SAMD8: variants seen among roughly 807,000 people sequenced by gnomAD.
The protein encoded by SAMD8 is sphingomyelin synthase-related protein 1.
SAMD8 carries 20 observed loss-of-function variants against 42.0 expected under a neutral mutation model. The observed-to-expected ratio is 0.48, with a 90% CI of 0.34 to 0.69. SAMD8 has a LOEUF of 0.69. Among genes scored for constraint, SAMD8 ranks in the 30% least tolerant of loss-of-function variants. SAMD8 has a pLI of 0.01. For missense variants in SAMD8, 328 were observed against 511.6 expected (o/e 0.64, Z 3.46); for synonymous variants, 162 against 173.0 (o/e 0.94, Z 0.50).
rs1245576636 is a variant in SAMD8, at chr10:75,179,670, C to T, written c.*2978C>T. 2.0e-5 allele frequency: 3 copies of T among 152,172 alleles called. No homozygotes were observed. The highest frequency in any genetic ancestry group is 4.4e-5 in the Non-Finnish European group (3 of 68,024). The allele number at this position is 152,172 out of a possible 1,614,324, so 9.4% of individuals were successfully genotyped here. On this transcript the variant is annotated 3_prime_UTR_variant, in exon 6 of 6. Transcript: ENST00000542569. ...AAATTTATTTTCAGTTTTACTTAAA[C>T]ATGAAACCTGTATTTTAGTTGCTTT...
At chr10:75,103,817 T>TC in intron 1 of SAMD8, 1 of 1,149,328 alleles carries the variant, frequency 8.7e-7, no homozygotes, top group Non-Finnish European at 1.1e-6. Context: ...TCTCCTCCCC[T>TC]CCCCACTTTC....
At chr10:75,169,995 CAAAA>C (rs1840810553) in intron 4 of SAMD8, among the ~76,000 whole-genome samples, 1 of 152,162 alleles carries the variant, frequency 6.6e-6, no homozygotes, top group South Asian at 2.1e-4. Context: ...CTGAGATAAA[CAAAA>C]TAATGGCTGA....
chr10:75,109,003 A>G, upstream of SAMD8: 1 of 1,595,466 alleles, frequency 6.3e-7, no homozygotes, highest in Non-Finnish European at 8.6e-7. Context: ...GCCAGCTACC[A>G]CTCACGCATC....
rs916195447 is a variant in SAMD8, at chr10:75,176,195, C to T, written c.922C>T (p.Leu308=). Residue 308 remains leucine, a synonymous_variant, in exon 5 of 6, where the codon CTG becomes TTG. Transcript: ENST00000542569. The surrounding 1 kb of genome is among the most constrained non-coding windows in gnomAD (Gnocchi z 4.3). ...TGGCCACACAGTCGTCCTAACTATG[C>T]TGAATTTCTTTGTCACCGAATGTAA... ...FSGHTVVLTM[L]NFFVTEYTPR... is the part of the protein sequence containing the mutation. 1.9e-6 allele frequency: 3 copies of T among 1,614,186 alleles called. No homozygotes were observed. The highest frequency in any genetic ancestry group is 1.1e-5 in the South Asian group (1 of 91,090).
At chr10:75,107,064 G>A (rs1483358731), upstream of SAMD8, among the ~76,000 whole-genome samples, 2 of 152,136 alleles carry the variant, frequency 1.3e-5, no homozygotes, top group East Asian at 1.9e-4. Flanking sequence ...GGCCGGGTGC[G>A]GTGGCTCATG....
chr10:75,145,639 G>A (rs1275293839), intron 1 of SAMD8, among the ~76,000 whole-genome samples: 1 of 152,164 alleles, frequency 6.6e-6, no homozygotes, highest in African/African-American at 2.4e-5. Flanking sequence ...CAGCACCATG[G>A]CATTTGGGGC....
intron 2 of SAMD8, among the ~76,000 whole-genome samples, chr10:75,155,302 C>A (rs561596203): frequency 6.6e-6 from 1 of 151,818 alleles, no homozygotes; most frequent in Non-Finnish European, 1.5e-5. Context: ...GTTTGGTTTT[C>A]GACATGTCAG....
intron 1 of SAMD8, among the ~76,000 whole-genome samples, chr10:75,119,249 C>T (rs1848952564): frequency 6.6e-6 from 1 of 151,974 alleles, no homozygotes; most frequent in Non-Finnish European, 1.5e-5. Context: ...CCTCCGCCTC[C>T]TGGGTTCAAG....
chr10:75,108,745 T>C (rs982773124), upstream of SAMD8, among the ~76,000 whole-genome samples: 1 of 152,168 alleles, frequency 6.6e-6, no homozygotes, highest in East Asian at 1.9e-4. Flanking sequence ...GCCTCTACAC[T>C]TGACAGTTGT....
rs780095818 is a variant in SAMD8, at chr10:75,150,518, C to T, written c.-11C>T. The T allele has an allele frequency of 8.7e-6, 14 of 1,602,474 alleles. No individual in the cohort carries two copies. Among genetic ancestry groups the T allele is most frequent in the Middle Eastern group, 3.3e-4 (2 of 5,986 alleles). On this transcript the variant is annotated 5_prime_UTR_variant, in exon 2 of 6. Coordinates refer to ENST00000542569, the MANE Select transcript of SAMD8 (RefSeq NM_001174156.2). ...TTTCCTGTTTTCTCTCTACAGGCAG[C>T]GGAGGAGGAAATGGCAGGTCCTAAT...
intron 4 of SAMD8, among the ~76,000 whole-genome samples, chr10:75,174,528 G>A (rs1037465072): frequency 6.9e-6 from 1 of 145,678 alleles, no homozygotes; most frequent in Admixed American, 7.2e-5. Context: ...TACCCCTCCC[G>A]GGATCAAGAG....
At chr10:75,146,793 C>T (rs893392465) in intron 1 of SAMD8, among the ~76,000 whole-genome samples, 2 of 152,172 alleles carry the variant, frequency 1.3e-5, no homozygotes, top group African/African-American at 4.8e-5. Flanking sequence ...CATTCAAAGT[C>T]TCCTGTTCCC....
intron 1 of SAMD8, among the ~76,000 whole-genome samples, chr10:75,146,187 C>T (rs576235542): frequency 1.3e-5 from 2 of 150,874 alleles, no homozygotes; most frequent in Non-Finnish European, 2.9e-5. Context: ...GGCTGGGAAA[C>T]TCAAGGCCGT....
In SAMD8 at chr10:75,161,961, CCAGGAGG is replaced by C. The variant is rs536532145; in HGVS notation, c.579-2680_579-2674del. On this transcript the variant is annotated intron_variant, in intron 2 of 5. Transcript: ENST00000542569. ...CTGAGACAGGGAGAATTGCTTGAAC[CCAGGAGG>C]CAGAAGTGGCAGTAAGCCAAAATCA... Among the ~76,000 whole-genome samples the C allele has an allele frequency of 4.0e-3, 613 of 152,124 alleles. 4 individuals carry two copies. The highest frequency in any genetic ancestry group is 6.8e-3 in the Middle Eastern group (2 of 294).
chr10:75,157,161 G>A (rs1231985162), intron 2 of SAMD8, among the ~76,000 whole-genome samples: 1 of 151,974 alleles, frequency 6.6e-6, no homozygotes, highest in African/African-American at 2.4e-5. Flanking sequence ...ATAATATAGT[G>A]TTGATTCTTT....
At chr10:75,110,275 G>A (rs1204222670), upstream of SAMD8, among the ~76,000 whole-genome samples, 2 of 152,228 alleles carry the variant, frequency 1.3e-5, no homozygotes, top group African/African-American at 4.8e-5. Context: ...GAAACAGTGG[G>A]AGGGAGATTC....
chr10:75,161,942 C>T (rs1259868971), intron 2 of SAMD8, among the ~76,000 whole-genome samples: 1 of 152,058 alleles, frequency 6.6e-6, no homozygotes, highest in Non-Finnish European at 1.5e-5. Context: ...GAGGCTGAGA[C>T]AGGGAGAATT....
At chr10:75,148,346 C>CTTGTTTTTTT (rs1840193237) in intron 1 of SAMD8, among the ~76,000 whole-genome samples, 1 of 82,564 alleles carries the variant, frequency 1.2e-5, no homozygotes, top group Non-Finnish European at 2.0e-5. Context: ...GCAATACCAG[C>CTTGTTTTTTT]TTTTTTTTTT....
Position 75,150,948 on chromosome 10 carries a change from T to C in SAMD8, c.420T>C (p.His140=). 1 of 1,613,224 alleles carries C rather than the reference T, an allele frequency of 6.2e-7. No homozygotes were observed. Among genetic ancestry groups the C allele is most frequent in the Non-Finnish European group, 8.5e-7 (1 of 1,179,722 alleles). ...QYQYMNGKNK[H]SVRRLDPEYW... is the part of the protein sequence containing the mutation. ...AGTACATGAATGGTAAAAACAAACA[T>C]TCTGTTCGAAGATTGGACCCAGAAT... The change falls in exon 2 of 6, where the codon CAT becomes CAC. Residue 140 remains histidine (H), a synonymous_variant. Transcript: ENST00000542569.
Sources: allele counts gnomAD v4.1 joint callset (sites outside exome capture counted in the v4.1 genomes callset), GRCh38; gene constraint gnomAD v4.1.1; non-coding constraint Gnocchi (gnomAD v3.1); transcripts MANE v1.5; gene names NCBI Gene and HGNC (gene_info 2026-07-23, HGNC 2026-07-21).